The following GPR139 variants were observed in gnomAD, a reference collection of about 807,000 sequenced individuals.
The protein encoded by GPR139 is probable G protein-coupled receptor 139.
GPR139 carries 12 observed loss-of-function variants against 25.8 expected under a neutral mutation model. The ratio of observed to expected loss-of-function variants is 0.47; its 90% CI spans 0.30 to 0.75. GPR139 has a LOEUF of 0.75. Ranked by LOEUF, GPR139 falls within the 30% of genes least tolerant of loss-of-function variation. GPR139 has a pLI of 0.07. For missense variants in GPR139, 380 were observed against 450.2 expected (o/e 0.84, Z 1.41); for synonymous variants, 184 against 179.9 (o/e 1.02, Z -0.18).
At chr16:20,037,866 T>A (rs1195170261) in intron 1 of GPR139, among the ~76,000 whole-genome samples, 1 of 152,192 alleles carries the variant, frequency 6.6e-6, no homozygotes, top group Non-Finnish European at 1.5e-5. Flanking sequence ...AACCTCTTTT[T>A]TCCTTTTTGA....
rs150995953 is a variant in GPR139 at position 20,042,690 on chromosome 16, C to G, written c.128-10021G>C. 3.2e-3 allele frequency among the ~76,000 whole-genome samples: 493 copies of G among 152,108 alleles called. 2 individuals carry two copies. The highest frequency in any genetic ancestry group is 0.011 in the African/African-American group (472 of 41,492). On this transcript the variant is annotated intron_variant, in intron 1 of 1. Transcript: ENST00000570682. ...ATTTTCTTTGTAGCTTCACTATCAT[C>G]TCCTCTTTATTATTTTTCTTGTGAA...
intron 1 of GPR139, 79 bp from the exon 2 acceptor site, chr16:20,032,748 T>C: frequency 2.0e-6 from 2 of 1,003,602 alleles, no homozygotes; most frequent in Non-Finnish European, 3.0e-6. Context: ...TAGGCATATG[T>C]TTATTTTGCA....
At chr16:20,070,178 G>A (rs1998743) in intron 1 of GPR139, among the ~76,000 whole-genome samples, 3,729 of 152,272 alleles carry the variant, frequency 0.024, 139 homozygotes, top group African/African-American at 0.081. Flanking sequence ...AAGATGCTTC[G>A]TTTTTCTGAG....
At chr16:20,046,857 C>T (rs180716396) in intron 1 of GPR139, among the ~76,000 whole-genome samples, 64 of 152,068 alleles carry the variant, frequency 4.2e-4, no homozygotes, top group Non-Finnish European at 6.3e-4. Flanking sequence ...TTTCTTGAGG[C>T]CAGGAGTTTG....
rs1470367256 is a variant in GPR139, at chr16:20,028,395, CA to C, written c.*3339del. ...ATTGCTTGAACATAGATGCAAATAC[CA>C]AACACCAAGTGTGCACCATATTAGA... On this transcript the variant is annotated 3_prime_UTR_variant, in exon 2 of 2. Transcript: ENST00000570682. 2.0e-5 allele frequency among the ~76,000 whole-genome samples: 3 copies of C among 151,990 alleles called. No individual in the cohort carries two copies. The highest frequency in any genetic ancestry group is 4.4e-5 in the Non-Finnish European group (3 of 67,990).
intron 1 of GPR139, among the ~76,000 whole-genome samples, chr16:20,050,649 G>A (rs2057368618): frequency 6.6e-6 from 1 of 152,202 alleles, no homozygotes; most frequent in Admixed American, 6.5e-5. Flanking sequence ...CTGGAGACAA[G>A]GTAGAGAAGT....
chr16:20,073,391 G>A lies in GPR139; in HGVS notation c.127+99C>T. ...CTTAAAGCTTAAACTTTTTCCGAGGGGGCGCCAGGGAACGCACGGGGGAGG... is the reference window on the plus strand; with the variant it reads ...CTTAAAGCTTAAACTTTTTCCGAGGAGGCGCCAGGGAACGCACGGGGGAGG... On this transcript the variant is annotated intron_variant, in intron 1 of 1. Transcript: ENST00000570682. This position sits in a 1 kb window ranked among gnomAD's most constrained non-coding sequence, Gnocchi z 4.7. 1 of 1,517,692 alleles carries A rather than the reference G, an allele frequency of 6.6e-7. No individual in the cohort carries two copies. The highest frequency in any genetic ancestry group is 8.9e-7 in the Non-Finnish European group (1 of 1,121,764). The allele number at this position is 1,517,692 out of a possible 1,614,324, so 94.0% of individuals were successfully genotyped here.
Position 20,032,052 on chromosome 16 carries a change from GA to G in GPR139, c.744del (p.Leu249PhefsTer25), listed in dbSNP as rs777976494. The G allele has an allele frequency of 1.2e-6, 2 of 1,614,206 alleles. No individual in the cohort carries two copies. The highest frequency in any genetic ancestry group is 1.3e-5 in the African/African-American group (1 of 75,042). On this transcript the variant is annotated frameshift_variant, in exon 2 of 2. Coordinates refer to ENST00000570682, the MANE Select transcript of GPR139 (RefSeq NM_001002911.4). LOFTEE classifies it high-confidence loss of function. ...ATLWAPRIIM[I>X]LYHLYGAPIQ... ...ATGGGCGCCCCATAGAGGTGGTAAA[GA>G]ATCATGATGATGCGGGGGGCCCAAA...
At chr16:20,048,452 C>A (rs1012077974) in intron 1 of GPR139, among the ~76,000 whole-genome samples, 1 of 152,218 alleles carries the variant, frequency 6.6e-6, no homozygotes, top group African/African-American at 2.4e-5. Context: ...CATCCCAAGG[C>A]AGCATGAGGC....
intron 1 of GPR139, among the ~76,000 whole-genome samples, chr16:20,052,101 C>G (rs2057374263): frequency 6.6e-6 from 1 of 152,186 alleles, no homozygotes; most frequent in South Asian, 2.1e-4. Flanking sequence ...CTTTCAAGCT[C>G]CCTAAACAAA....
At chr16:20,054,194 C>T (rs1294540972) in intron 1 of GPR139, among the ~76,000 whole-genome samples, 2 of 152,138 alleles carry the variant, frequency 1.3e-5, no homozygotes, top group Non-Finnish European at 2.9e-5. Flanking sequence ...TGAGTCACTG[C>T]AGGGGCTTCT....
At chr16:20,034,295 T>A (rs1482672804) in intron 1 of GPR139, among the ~76,000 whole-genome samples, 2 of 152,162 alleles carry the variant, frequency 1.3e-5, no homozygotes, top group Non-Finnish European at 2.9e-5. Flanking sequence ...CATGTAAAAA[T>A]TCTTATAATA....
chr16:20,071,888 C>T (rs904554557), intron 1 of GPR139, among the ~76,000 whole-genome samples: 103 of 152,118 alleles, frequency 6.8e-4, no homozygotes, highest in African/African-American at 2.3e-3. Flanking sequence ...GTGGCTATCT[C>T]ACTCAGTAGA....
rs967282297 is a variant in GPR139, at chr16:20,073,024, C to T, written c.127+466G>A. ...GTCTCCAGCTTCATCTCGTGTCAGG[C>T]GGGGACACGCAGAGGGGCAGAGGTG... On this transcript the variant is annotated intron_variant, in intron 1 of 1. Transcript: ENST00000570682. The surrounding 1 kb of genome is among the most constrained non-coding windows in gnomAD (Gnocchi z 4.7). Among the ~76,000 whole-genome samples, 3 of 152,140 alleles carry T rather than the reference C, an allele frequency of 2.0e-5. No individual in the cohort carries two copies. The highest frequency in any genetic ancestry group is 4.4e-5 in the Non-Finnish European group (3 of 68,020).
intron 1 of GPR139, among the ~76,000 whole-genome samples, chr16:20,068,256 A>AAAAAAG (rs1555467127): frequency 2.0e-4 from 27 of 137,680 alleles, no homozygotes; most frequent in African/African-American, 7.5e-4. Flanking sequence ...AAAAAAAAAA[A>AAAAAAG]AAGAAAGGAG....
rs565228758 is a variant in GPR139, at chr16:20,073,055, A to G, written c.127+435T>C. Among the ~76,000 whole-genome samples, 2 of 152,306 alleles carry G rather than the reference A, an allele frequency of 1.3e-5. No homozygotes were observed. Among genetic ancestry groups the G allele is most frequent in the African/African-American group, 4.8e-5 (2 of 41,574 alleles). ...CACGCAGAGGGGCAGAGGTGCCCCAAGTGGGGTGGACGTGCAGGGGCCACG... is the reference window on the plus strand; with the variant it reads ...CACGCAGAGGGGCAGAGGTGCCCCAGGTGGGGTGGACGTGCAGGGGCCACG... On this transcript the variant is annotated intron_variant, in intron 1 of 1. Coordinates refer to ENST00000570682, the MANE Select transcript of GPR139 (RefSeq NM_001002911.4). The surrounding 1 kb of genome is among the most constrained non-coding windows in gnomAD (Gnocchi z 4.7).
At chr16:20,051,640 G>A (rs1216685845) in intron 1 of GPR139, among the ~76,000 whole-genome samples, 1 of 152,202 alleles carries the variant, frequency 6.6e-6, no homozygotes, top group African/African-American at 2.4e-5. Context: ...AGGTCAAGGA[G>A]GCGTAATTAT....
In GPR139 at chr16:20,059,596, A is replaced by T. The variant is rs141615147; in HGVS notation, c.127+13894T>A. On this transcript the variant is annotated intron_variant, in intron 1 of 1. Coordinates refer to ENST00000570682, the MANE Select transcript of GPR139 (RefSeq NM_001002911.4). ...TATGGTCTCCATGGCACATGTCAGT[A>T]TCTGAAATGGTTTTGTGTGTGCATT... Among the ~76,000 whole-genome samples, 397 of 152,254 alleles carry T rather than the reference A, an allele frequency of 2.6e-3. 3 individuals carry two copies. Among genetic ancestry groups the T allele is most frequent in the Middle Eastern group, 0.02 (6 of 294 alleles).
chr16:20,038,578 C>T (rs2057319542), intron 1 of GPR139, among the ~76,000 whole-genome samples: 2 of 152,080 alleles, frequency 1.3e-5, no homozygotes, highest in South Asian at 4.1e-4. Context: ...GTGATTGCCT[C>T]TCTTGAGAAA....
Sources: gnomAD v4.1 joint callset for allele counts (sites outside exome capture counted in the v4.1 genomes callset) on GRCh38, gnomAD v4.1.1 for gene constraint, Gnocchi (gnomAD v3.1) non-coding constraint, MANE v1.5 for transcripts, NCBI Gene and HGNC (gene_info 2026-07-23, HGNC 2026-07-21) for gene names.